UBN1: variants seen among roughly 807,000 people sequenced by gnomAD.
The protein encoded by UBN1 is ubinuclein 1.
A neutral mutation model predicts 108.5 loss-of-function variants in UBN1; 17 were observed. The observed-to-expected ratio is 0.16, with a 90% CI of 0.11 to 0.24. The LOEUF (loss-of-function observed/expected upper bound fraction) is 0.24, where lower values mean the gene tolerates loss of function less well. Ranked by LOEUF, UBN1 falls within the 10% of genes least tolerant of loss-of-function variation. The pLI, the probability that UBN1 is intolerant of heterozygous loss-of-function variation, is 1.00. For missense variants in UBN1, 1,595 were observed against 1,394.4 expected, an observed-to-expected ratio of 1.14 and a Z score of -2.29; for synonymous variants, 726 against 564.2, an observed-to-expected ratio of 1.29 and a Z score of -4.07.
intron 1 of UBN1, among the ~76,000 whole-genome samples, chr16:4,852,042 C>T (rs1444552902): frequency 6.6e-6 from 1 of 152,126 alleles, no homozygotes; most frequent in East Asian, 1.9e-4. Context: ...ATTTGATTGT[C>T]ATTTTGGTTG....
At chr16:4,872,970 T>C (rs762804479) in intron 13 of UBN1, 36 bp downstream of exon 13, 11 of 1,614,146 alleles carry the variant, frequency 6.8e-6, no homozygotes, top group Non-Finnish European at 9.3e-6. Context: ...TCGGGACAAG[T>C]GTTGTTTTTG....
rs1410571610 is a variant in UBN1, at chr16:4,880,091, C to A, written c.3364C>A (p.Gln1122Lys). ...TTCTTACTCTTTTCCAGGTGCTTCT[C>A]AGCTTCACGGGAAAGGGCCTGCTGT... ...HIPQSLPGAS[Q>K]LHGKGPAVPR... The change falls in exon 18 of 18, where the codon CAG becomes AAG. Residue 1122 changes from glutamine (Q) to lysine (K), a missense_variant. By Grantham distance (53) the Gln-to-Lys change is moderately conservative. Coordinates refer to ENST00000262376, the MANE Select transcript of UBN1 (RefSeq NM_001079514.3). The A allele has an allele frequency of 6.2e-6, 10 of 1,613,900 alleles. No homozygotes were observed. Among genetic ancestry groups the A allele is most frequent in the African/African-American group, 5.3e-5 (4 of 74,856 alleles).
Position 4,871,271 on chromosome 16 carries a change from C to G in UBN1, c.1676C>G (p.Pro559Arg). 6.2e-7 allele frequency: 1 copy of G among 1,614,208 alleles called. No individual in the cohort carries two copies. Among genetic ancestry groups the G allele is most frequent in the South Asian group, 1.1e-5 (1 of 91,082 alleles). ...VKGFLDAEVK[P>R]LWPKGWMQAR... ...GGCTTTCTGGATGCGGAAGTCAAGC[C>G]CCTCTGGCCCAAAGGCTGGATGCAG... Residue 559 changes from proline to arginine, a missense_variant, in exon 12 of 18, where the codon CCC becomes CGC. Physicochemically the swap from Pro to Arg is moderately radical, Grantham distance 103. Around this residue, in one of 3 missense-constraint regions of UBN1, gnomAD observed 1,398 missense variants for 1,194.7 expected, o/e 1.17. Coordinates refer to ENST00000262376, the MANE Select transcript of UBN1 (RefSeq NM_001079514.3).
chr16:4,876,864 TC>T lies in UBN1; in HGVS notation c.3025-4del. On this transcript the variant is annotated splice_polypyrimidine_tract_variant and splice_region_variant and intron_variant, in intron 15 of 17. Transcript: ENST00000262376. Reference sequence around the variant, plus strand: ...AGTTCTTACCGCTTGCTGTGTTTCTTCCCTAGAAAGGAGCGAGTGGGACTGT... The same window carrying T: ...AGTTCTTACCGCTTGCTGTGTTTCTTCCTAGAAAGGAGCGAGTGGGACTGT... 1 of 1,573,934 alleles carries T rather than the reference TC, an allele frequency of 6.4e-7. No individual in the cohort carries two copies. Among genetic ancestry groups the T allele is most frequent in the South Asian group, 1.2e-5 (1 of 84,820 alleles).
chr16:4,874,473 C>G lies in UBN1; in HGVS notation c.2063C>G (p.Ala688Gly). 8 of 1,614,234 alleles carry G rather than the reference C, an allele frequency of 5.0e-6. No homozygotes were observed. The highest frequency in any genetic ancestry group is 6.8e-6 in the Non-Finnish European group (8 of 1,180,044). ...KELAALNSRA[A>G]GNSEFTLPAP... Reference sequence around the variant, plus strand: ...TTGGCTGCATTGAATAGCAGAGCAGCTGGGAACTCTGAATTCACACTGCCT... The same window carrying G: ...TTGGCTGCATTGAATAGCAGAGCAGGTGGGAACTCTGAATTCACACTGCCT... The change falls in exon 15 of 18, where the codon GCT (alanine) becomes GGT (glycine). Residue 688 changes from alanine (A) to glycine (G), a missense_variant. Transcript: ENST00000262376.
Position 4,879,544 on chromosome 16 carries a change from T to G in UBN1, c.3356-539T>G, listed in dbSNP as rs537412260. 7.2e-5 allele frequency among the ~76,000 whole-genome samples: 11 copies of G among 152,322 alleles called. No homozygotes were observed. In the Middle Eastern group the frequency reaches 0.02, roughly 283 times the overall value. On this transcript the variant is annotated intron_variant, in intron 17 of 17. Transcript: ENST00000262376. ...CAAAACAGGGTTATCCAAGTGAGCT[T>G]CTCTCACTTCCTTAGATGGACTTCA...
chr16:4,859,393 C>T (rs572749240), intron 5 of UBN1, among the ~76,000 whole-genome samples: 1 of 152,210 alleles, frequency 6.6e-6, no homozygotes, highest in Non-Finnish European at 1.5e-5. Flanking sequence ...GACATCCCAG[C>T]AGGCTCAGCA....
Position 4,870,831 on chromosome 16 carries a change from A to G in UBN1, c.1431-13A>G, listed in dbSNP as rs59219971. The G allele has an allele frequency of 2.3e-4, 377 of 1,613,002 alleles. 3 individuals are homozygous for G. In the African/African-American group the frequency reaches 3.9e-3, roughly 17 times the overall value. ...GCACCTTGGGGCCCCATGTAATTCT[A>G]TTCACCCCGTAGGATGCTGGAAGAG... On this transcript the variant is annotated splice_polypyrimidine_tract_variant and intron_variant, in intron 10 of 17. Transcript: ENST00000262376.
rs1289503302 is a variant in UBN1 at position 4,853,153 on chromosome 16, A to G, written c.236A>G (p.Gln79Arg). The change falls in exon 2 of 18, where the codon CAG (glutamine) becomes CGG (arginine). Residue 79 changes from glutamine (Q) to arginine (R), a missense_variant. Physicochemically the swap from Gln to Arg is conservative, Grantham distance 43 (BLOSUM62 1). Transcript: ENST00000262376. ...ATCCGAGGGAAGGTAAAAGGCCTTC[A>G]GCCTGGAGATAAGGTACACCCCTTT... ...KNIRGKVKGL[Q>R]PGDKKKDLSD... 2 of 1,614,200 alleles carry G rather than the reference A, an allele frequency of 1.2e-6. No individual in the cohort carries two copies. The highest frequency in any genetic ancestry group is 1.7e-5 in the Admixed American group (1 of 60,026).
At chr16:4,851,981 C>T (rs2086580945) in intron 1 of UBN1, among the ~76,000 whole-genome samples, 1 of 152,176 alleles carries the variant, frequency 6.6e-6, no homozygotes. Flanking sequence ...AGAGCGCTTA[C>T]AAGTCAATAA....
In UBN1 at chr16:4,871,245, G is replaced by A; in HGVS notation, c.1650G>A (p.Lys550=). ...NKAQAWEDCV[K]GFLDAEVKPL... ...CCCAGGCTTGGGAGGACTGTGTGAAGGGCTTTCTGGATGCGGAAGTCAAGC... is the reference window on the plus strand; with the variant it reads ...CCCAGGCTTGGGAGGACTGTGTGAAAGGCTTTCTGGATGCGGAAGTCAAGC... The change falls in exon 12 of 18, where the codon AAG becomes AAA. Residue 550 remains lysine, a synonymous_variant. Transcript: ENST00000262376. 6.2e-7 allele frequency: 1 copy of A among 1,614,244 alleles called. No individual in the cohort carries two copies. The highest frequency in any genetic ancestry group is 8.5e-7 in the Non-Finnish European group (1 of 1,180,032).
Position 4,877,265 on chromosome 16 carries a change from G to C in UBN1, c.3266-120G>C. On this transcript the variant is annotated intron_variant, in intron 16 of 17. Coordinates refer to ENST00000262376, the MANE Select transcript of UBN1 (RefSeq NM_001079514.3). The surrounding 1 kb of genome is among the most constrained non-coding windows in gnomAD (Gnocchi z 4.3). ...GTGCCAAGCCCCCACTGCCCCTTTG[G>C]GTGTGGTGCCCAGACTGGCCTGGCA... 1.3e-6 allele frequency: 2 copies of C among 1,515,456 alleles called. No homozygotes were observed. The highest frequency in any genetic ancestry group is 1.8e-6 in the Non-Finnish European group (2 of 1,128,870). 93.9% of individuals were successfully genotyped at this position (1,515,456 alleles called of 1,614,324 possible). A position where few individuals can be genotyped will look rare whatever the true frequency, so the allele number is the denominator to read the frequency against.
At chr16:4,876,144 G>A (rs1364077962) in intron 15 of UBN1, among the ~76,000 whole-genome samples, 2 of 152,036 alleles carry the variant, frequency 1.3e-5, no homozygotes, top group Non-Finnish European at 2.9e-5. Context: ...GTTTTTAGTA[G>A]AGATGGAGTT....
At chr16:4,860,578 G>T in intron 6 of UBN1, 86 bp from the exon 7 acceptor site, 25 of 1,351,592 alleles carry the variant, frequency 1.8e-5, no homozygotes, top group Admixed American at 1.1e-4. Context: ...TGGAGACCAT[G>T]ACCCTGGGAG....
intron 8 of UBN1, among the ~76,000 whole-genome samples, chr16:4,869,931 T>C (rs1231630137): frequency 6.6e-6 from 1 of 152,184 alleles, no homozygotes; most frequent in Non-Finnish European, 1.5e-5. Flanking sequence ...CTCTATGAAA[T>C]TTAGTGCTTC....
chr16:4,868,807 G>C (rs753221723), intron 7 of UBN1, 26 bp from the exon 8 acceptor site: 2 of 1,612,024 alleles, frequency 1.2e-6, no homozygotes, highest in South Asian at 1.1e-5. Context: ...GTGCACTAAC[G>C]GCTGTTACTG....
intron 7 of UBN1, among the ~76,000 whole-genome samples, chr16:4,862,288 C>G (rs1487664636): frequency 6.6e-6 from 1 of 152,086 alleles, no homozygotes; most frequent in Non-Finnish European, 1.5e-5. Context: ...TTCTCACTTC[C>G]AAAAAATATT....
Position 4,853,090 on chromosome 16 carries a change from G to A in UBN1, c.173G>A (p.Arg58His), listed in dbSNP as rs140100069. 256 of 1,614,114 alleles carry A rather than the reference G, an allele frequency of 1.6e-4. No homozygotes were observed. Among genetic ancestry groups the A allele is most frequent in the Non-Finnish European group, 1.7e-4 (201 of 1,180,052 alleles). ...ACCCTCTTTGAACCAGATCACAAAC[G>A]CTGCCCAGAGTTCTTCTACCCAGAG... The part of the protein sequence containing the change: ...TLTLFEPDHK[R>H]CPEFFYPELV... Residue 58 changes from arginine to histidine, a missense_variant, in exon 2 of 18, where the codon CGC (arginine) becomes CAC (histidine). By Grantham distance (29) the Arg-to-His change is conservative. This residue lies in a region of UBN1 where 181 missense variants were observed against 157.3 expected (regional missense o/e 1.15). Coordinates refer to ENST00000262376, the MANE Select transcript of UBN1 (RefSeq NM_001079514.3).
At chr16:4,852,813 T>A in intron 1 of UBN1, 66 bp from the exon 2 acceptor site, 1 of 1,400,082 alleles carries the variant, frequency 7.1e-7, no homozygotes, top group South Asian at 1.4e-5. Flanking sequence ...TTAAATCTCT[T>A]TAATTAGGCA....
Sources: gnomAD v4.1 joint callset for allele counts (sites outside exome capture counted in the v4.1 genomes callset) on GRCh38, gnomAD v4.1.1 for gene constraint, gnomAD v4.1.1 regional missense constraint, Gnocchi (gnomAD v3.1) non-coding constraint, MANE v1.5 for transcripts, NCBI Gene and HGNC (gene_info 2026-07-23, HGNC 2026-07-21) for gene names.